Variants in SWT1 observed in about 807,000 individuals in gnomAD.
The protein encoded by SWT1 is SWT1 RNA endoribonuclease homolog, also known as transcriptional protein SWT1.
In SWT1, 33 loss-of-function variants were observed where a neutral mutation model predicts 107.3. The observed-to-expected ratio is 0.31, with a 90% confidence interval of 0.23 to 0.41. SWT1 has a LOEUF of 0.41. Ranked by LOEUF, SWT1 falls within the 10% of genes least tolerant of loss-of-function variation. The pLI, the probability that SWT1 is intolerant of heterozygous loss-of-function variation, is 1.00. For missense variants in SWT1, 898 were observed against 1,028.9 expected, an observed-to-expected ratio of 0.87 and a Z score of 1.74; for synonymous variants, 345 against 348.3, an observed-to-expected ratio of 0.99 and a Z score of 0.11.
At chr1:185,259,956 G>C (rs906212998) in intron 16 of SWT1, among the ~76,000 whole-genome samples, 1 of 152,118 alleles carries the variant, frequency 6.6e-6, no homozygotes, top group African/African-American at 2.4e-5. Context: ...TCAGCAGTAC[G>C]TTTGCAAACC....
At chr1:185,175,170 TAA>T in intron 5 of SWT1, 57 bp downstream of exon 5, 4 of 1,265,302 alleles carry the variant, frequency 3.2e-6, no homozygotes, top group Admixed American at 6.1e-5. Context: ...TTAATATAGT[TAA>T]GTTTTTTCTG....
chr1:185,190,731 C>CA, intron 10 of SWT1, 89 bp downstream of exon 10: 1 of 731,554 alleles, frequency 1.4e-6, no homozygotes, highest in Non-Finnish European at 2.2e-6. Context: ...TACCAAGGAT[C>CA]AAAAACATAC....
intron 15 of SWT1, among the ~76,000 whole-genome samples, chr1:185,223,377 A>G (rs149006926): frequency 2.6e-5 from 4 of 152,054 alleles, no homozygotes; most frequent in East Asian, 1.9e-4. Context: ...ATATCTCACT[A>G]TGTTGCCCAG....
intron 3 of SWT1, among the ~76,000 whole-genome samples, 157 bp from the exon 4 acceptor site, chr1:185,168,183 T>G (rs1654744343): frequency 6.6e-6 from 1 of 152,090 alleles, no homozygotes; most frequent in South Asian, 2.1e-4. Context: ...CTACCTCTGT[T>G]TGAGTTTTGT....
At chr1:185,213,048 G>A (rs1658947135) in intron 13 of SWT1, among the ~76,000 whole-genome samples, 1 of 152,098 alleles carries the variant, frequency 6.6e-6, no homozygotes, top group South Asian at 2.1e-4. Context: ...ATAAGCATTA[G>A]ACTATTTCAT....
At chr1:185,176,428 G>A (rs1303411157) in intron 5 of SWT1, 7 of 281,678 alleles carry the variant, frequency 2.5e-5, no homozygotes, top group Non-Finnish European at 3.7e-5. Context: ...ATTTTAGGCA[G>A]AGGGAGCTAC....
chr1:185,195,266 G>A lies in SWT1; in HGVS notation c.1523+4624G>A, dbSNP rs143790445. Reference sequence around the variant, plus strand: ...ATGCAGTGTGTGGTTTTCTGTTCCTGTGTTAGTTTGCTGGGGATGATGGCT... The same window carrying A: ...ATGCAGTGTGTGGTTTTCTGTTCCTATGTTAGTTTGCTGGGGATGATGGCT... On this transcript the variant is annotated intron_variant, in intron 10 of 18. Coordinates refer to ENST00000367500, the MANE Select transcript of SWT1 (RefSeq NM_017673.7). Among the ~76,000 whole-genome samples the A allele has an allele frequency of 1.2e-3, 189 of 152,286 alleles. 1 individual carries two copies. The highest frequency in any genetic ancestry group is 4.3e-3 in the African/African-American group (179 of 41,558).
At chr1:185,213,964 T>C (rs1659022762) in intron 13 of SWT1, among the ~76,000 whole-genome samples, 2 of 152,204 alleles carry the variant, frequency 1.3e-5, no homozygotes, top group African/African-American at 4.8e-5. Flanking sequence ...CAAACTTTTT[T>C]TCTCTCCTGA....
chr1:185,223,583 T>A (rs1458056255), intron 15 of SWT1, among the ~76,000 whole-genome samples: 1 of 152,176 alleles, frequency 6.6e-6, no homozygotes, highest in Non-Finnish European at 1.5e-5. Flanking sequence ...ATGTCAAGCA[T>A]TTTTTATATA....
At chr1:185,236,011 A>G (rs969252959) in intron 16 of SWT1, among the ~76,000 whole-genome samples, 1 of 152,226 alleles carries the variant, frequency 6.6e-6, no homozygotes, top group African/African-American at 2.4e-5. Context: ...GACCTCTTCA[A>G]TGAGAACTAC....
chr1:185,231,555 A>G (rs770847029), intron 15 of SWT1, 22 bp from the exon 16 acceptor site: 1 of 1,573,056 alleles, frequency 6.4e-7, no homozygotes, highest in Non-Finnish European at 8.7e-7. Flanking sequence ...ACCTATGAGT[A>G]TCTTTTTTTT....
intron 18 of SWT1, among the ~76,000 whole-genome samples, chr1:185,289,546 A>C (rs1451281720): frequency 6.6e-6 from 1 of 152,236 alleles, no homozygotes; most frequent in Non-Finnish European, 1.5e-5. Flanking sequence ...TGTCAAAAAG[A>C]TATCTGCACT....
chr1:185,242,123 GTTATA>G (rs1002104187), intron 16 of SWT1, among the ~76,000 whole-genome samples: 2 of 152,232 alleles, frequency 1.3e-5, no homozygotes, highest in East Asian at 1.9e-4. Flanking sequence ...GGCAGTTCTT[GTTATA>G]TTATAGACAC....
chr1:185,226,555 A>G (rs893713926), intron 15 of SWT1, among the ~76,000 whole-genome samples: 6 of 152,140 alleles, frequency 3.9e-5, no homozygotes, highest in African/African-American at 2.4e-5. Flanking sequence ...GGGCAACACA[A>G]CAAGACCCTC....
At chr1:185,209,386 C>G (rs924300479) in intron 13 of SWT1, among the ~76,000 whole-genome samples, 4 of 152,244 alleles carry the variant, frequency 2.6e-5, no homozygotes, top group Middle Eastern at 3.4e-3. Context: ...TCCCCCACCC[C>G]CTGACAGGCC....
At chr1:185,256,885 T>G (rs992260267) in intron 16 of SWT1, among the ~76,000 whole-genome samples, 1 of 152,198 alleles carries the variant, frequency 6.6e-6, no homozygotes, top group Non-Finnish European at 1.5e-5. Flanking sequence ...AGTTTTTCTG[T>G]TCTGTTTTTT....
At chr1:185,268,266 A>G (rs962361585) in intron 16 of SWT1, among the ~76,000 whole-genome samples, 11 of 152,362 alleles carry the variant, frequency 7.2e-5, no homozygotes, top group Admixed American at 5.9e-4. Context: ...ACCTTTCTTC[A>G]TTAGAATACA....
chr1:185,217,817 A>T (rs1402824325), intron 14 of SWT1, among the ~76,000 whole-genome samples: 1 of 152,164 alleles, frequency 6.6e-6, no homozygotes, highest in Non-Finnish European at 1.5e-5. Context: ...GCTGGTCTGG[A>T]ACTCCTGCCC....
At chr1:185,192,845 G>A (rs898728004) in intron 10 of SWT1, among the ~76,000 whole-genome samples, 1 of 151,762 alleles carries the variant, frequency 6.6e-6, no homozygotes, top group Non-Finnish European at 1.5e-5. Flanking sequence ...ATGGGGTTTC[G>A]CCATATCGGT....
Sources: allele counts gnomAD v4.1 joint callset (sites outside exome capture counted in the v4.1 genomes callset), GRCh38; gene constraint gnomAD v4.1.1; transcripts MANE v1.5; gene names NCBI Gene and HGNC (gene_info 2026-07-23, HGNC 2026-07-21).